Variants in DLGAP1 observed in about 807,000 individuals in gnomAD.
DLGAP1 encodes the protein disks large-associated protein 1.
In DLGAP1, 11 loss-of-function variants were observed where a neutral mutation model predicts 90.8. The observed-to-expected ratio is 0.12, with a 90% CI of 0.08 to 0.20. The LOEUF is 0.20. Ranked by LOEUF, DLGAP1 falls within the 10% of genes least tolerant of loss-of-function variation. DLGAP1 has a pLI of 1.00. For missense variants in DLGAP1, 1,050 were observed against 1,333.8 expected, an observed-to-expected ratio of 0.79 and a Z score of 3.31; for synonymous variants, 558 against 540.7, an observed-to-expected ratio of 1.03 and a Z score of -0.44.
intron 3 of DLGAP1, among the ~76,000 whole-genome samples, chr18:3,998,714 A>C (rs1447664194): frequency 1.3e-5 from 2 of 152,164 alleles, no homozygotes; most frequent in Non-Finnish European, 2.9e-5. Context: ...CAAATTTCAA[A>C]TTTTATTGAC....
intron 1 of DLGAP1, among the ~76,000 whole-genome samples, chr18:4,313,083 C>T (rs2080441914): frequency 1.3e-5 from 2 of 152,154 alleles, no homozygotes; most frequent in African/African-American, 4.8e-5. Context: ...ATGTTTTCTG[C>T]AAGTCATATT....
intron 2 of DLGAP1, among the ~76,000 whole-genome samples, chr18:4,110,761 G>A (rs992731401): frequency 6.6e-6 from 1 of 152,122 alleles, no homozygotes; most frequent in Non-Finnish European, 1.5e-5. Context: ...AGGGCTATCT[G>A]GGAGAATATT....
At chr18:4,106,031 CAA>C (rs60176243) in intron 2 of DLGAP1, among the ~76,000 whole-genome samples, 2 of 102,274 alleles carry the variant, frequency 2.0e-5, no homozygotes, top group Admixed American at 1.2e-4. Flanking sequence ...GGGTCCGTCT[CAA>C]AAAAAAAAAA....
chr18:4,173,124 A>T (rs1368745406), intron 1 of DLGAP1, among the ~76,000 whole-genome samples: 1 of 152,232 alleles, frequency 6.6e-6, no homozygotes. Context: ...AAAAGGAAAT[A>T]TATTGATTAA....
At chr18:4,403,862 C>T (rs2082608391) in intron 1 of DLGAP1, among the ~76,000 whole-genome samples, 1 of 152,144 alleles carries the variant, frequency 6.6e-6, no homozygotes, top group African/African-American at 2.4e-5. Context: ...AGTAATTAGG[C>T]TATGAAATAT....
At chr18:3,665,388 G>A (rs1196368350) in intron 7 of DLGAP1, among the ~76,000 whole-genome samples, 1 of 150,368 alleles carries the variant, frequency 6.7e-6, no homozygotes, top group African/African-American at 2.5e-5. Context: ...TACCTAATCT[G>A]AATTCCTACT....
intron 7 of DLGAP1, among the ~76,000 whole-genome samples, chr18:3,703,631 T>A (rs2061347568): frequency 6.6e-6 from 1 of 152,208 alleles, no homozygotes; most frequent in Admixed American, 6.5e-5. Flanking sequence ...GGACACATTC[T>A]CTGCATTCTT....
At chr18:3,972,338 T>A (rs2073468638) in intron 3 of DLGAP1, among the ~76,000 whole-genome samples, 1 of 152,062 alleles carries the variant, frequency 6.6e-6, no homozygotes, top group African/African-American at 2.4e-5. Context: ...ATGGCAAAAT[T>A]CCGTCTCTAT....
intron 1 of DLGAP1, among the ~76,000 whole-genome samples, chr18:4,216,510 GACC>G (rs1362056082): frequency 6.6e-6 from 1 of 151,954 alleles, no homozygotes; most frequent in African/African-American, 2.4e-5. Context: ...TGCCATACAC[GACC>G]ACATGTACAG....
At chr18:4,360,334 A>C (rs1040709756) in intron 1 of DLGAP1, among the ~76,000 whole-genome samples, 1 of 152,218 alleles carries the variant, frequency 6.6e-6, no homozygotes, top group South Asian at 2.1e-4. Flanking sequence ...CATTAGAAAA[A>C]GGACAAAAGT....
At chr18:4,121,946 T>C (rs2076159913) in intron 2 of DLGAP1, among the ~76,000 whole-genome samples, 1 of 152,194 alleles carries the variant, frequency 6.6e-6, no homozygotes, top group African/African-American at 2.4e-5. Flanking sequence ...ATTAGTATTA[T>C]CTTCTTTTTA....
intron 1 of DLGAP1, among the ~76,000 whole-genome samples, chr18:4,413,383 A>T (rs2144628206): frequency 6.6e-6 from 1 of 152,186 alleles, no homozygotes; most frequent in African/African-American, 2.4e-5. Flanking sequence ...TCCAAGAGAG[A>T]GATGGTCAAG....
At chr18:3,791,693 A>G (rs2065743678) in intron 5 of DLGAP1, among the ~76,000 whole-genome samples, 1 of 152,224 alleles carries the variant, frequency 6.6e-6, no homozygotes, top group Non-Finnish European at 1.5e-5. Context: ...GTATTTTCCT[A>G]GAGAGTATAA....
Position 4,021,660 on chromosome 18 carries a change from C to A in DLGAP1, c.-158-16459G>T, listed in dbSNP as rs554023308. The stretch of plus-strand genomic sequence containing the variant: ...TCGCCCAGGCTGGAGTGCAATGGCG[C>A]GATCTTGGCTCACTACAACCTCCGC... On this transcript the variant is annotated intron_variant, in intron 2 of 12. Transcript: ENST00000315677. Among the ~76,000 whole-genome samples the A allele has an allele frequency of 1.3e-5, 2 of 152,028 alleles. 1 individual carries two copies. Among genetic ancestry groups the A allele is most frequent in the Admixed American group, 1.3e-4 (2 of 15,262 alleles).
chr18:3,943,706 C>G (rs574795621), intron 3 of DLGAP1, among the ~76,000 whole-genome samples: 2 of 152,262 alleles, frequency 1.3e-5, no homozygotes, highest in South Asian at 4.2e-4. Flanking sequence ...GGTTTGTGTC[C>G]TTTCCAAATT....
At chr18:3,896,034 T>C (rs1184508876) in intron 3 of DLGAP1, 1 of 152,228 alleles carries the variant, frequency 6.6e-6, no homozygotes, top group Non-Finnish European at 1.5e-5. Context: ...ACTAGTATTT[T>C]TGAATCTAGA....
At chr18:3,895,229 G>C (rs958058944) in intron 3 of DLGAP1, among the ~76,000 whole-genome samples, 2 of 149,994 alleles carry the variant, frequency 1.3e-5, no homozygotes, top group African/African-American at 4.9e-5. Flanking sequence ...GATGGTTTTA[G>C]TACTTTTCCA....
chr18:3,766,986 T>C (rs1313099325), intron 5 of DLGAP1, among the ~76,000 whole-genome samples: 1 of 152,108 alleles, frequency 6.6e-6, no homozygotes, highest in East Asian at 1.9e-4. Context: ...TCAAAGTTCT[T>C]CTTTGAAAAG....
chr18:4,028,869 T>A (rs1175705267), intron 2 of DLGAP1, among the ~76,000 whole-genome samples: 2 of 152,210 alleles, frequency 1.3e-5, no homozygotes, highest in African/African-American at 2.4e-5. Context: ...TAACCCTTTG[T>A]TTTTTTCCAA....
Sources: gnomAD v4.1 joint callset for allele counts (sites outside exome capture counted in the v4.1 genomes callset) on GRCh38, gnomAD v4.1.1 for gene constraint, MANE v1.5 for transcripts, NCBI Gene and HGNC (gene_info 2026-07-23, HGNC 2026-07-21) for gene names.